Variants in FRAS1 observed in about 807,000 individuals in gnomAD.
FRAS1 encodes the protein extracellular matrix organizing protein FRAS1.
A neutral mutation model predicts 435.2 loss-of-function variants in FRAS1; 290 were observed. The observed-to-expected ratio is 0.67, with a 90% CI of 0.61 to 0.73. The LOEUF is 0.73. Among genes scored for constraint, FRAS1 ranks in the 30% least tolerant of loss-of-function variants. The probability of loss-of-function intolerance (pLI) is 0.00; values close to 1 mark genes in which losing one functional copy is unlikely to be tolerated. For missense variants in FRAS1, 4,860 were observed against 5,001.5 expected (o/e 0.97, Z 0.85); for synonymous variants, 1,800 against 1,851.0 (o/e 0.97, Z 0.71).
intron 64 of FRAS1, 78 bp downstream of exon 64, chr4:78,511,584 C>A (rs776890445): frequency 5.4e-5 from 56 of 1,036,964 alleles, no homozygotes; most frequent in Non-Finnish European, 6.8e-5. Flanking sequence ...CCAGGACAAT[C>A]AATAAGGGAT....
At chr4:78,446,649 G>T in intron 42 of FRAS1, 78 bp from the exon 43 acceptor site, 1 of 1,516,322 alleles carries the variant, frequency 6.6e-7, no homozygotes. Flanking sequence ...CTGTAGCAAT[G>T]ATACTGTCTC....
rs146722737 is a variant in FRAS1 at position 78,490,613 on chromosome 4, C to T, written c.8958+1533C>T. On this transcript the variant is annotated intron_variant, in intron 59 of 73. Coordinates refer to ENST00000512123, the MANE Select transcript of FRAS1 (RefSeq NM_025074.7). ...ATAAGTTCTTTGAAACCAATGAGAA[C>T]AAACACAACATACCAGAATCCCTGG... Among the ~76,000 whole-genome samples the T allele has an allele frequency of 1.2e-3, 184 of 152,162 alleles. 1 individual carries two copies. Among genetic ancestry groups the T allele is most frequent in the African/African-American group, 4.0e-3 (168 of 41,530 alleles).
At chr4:78,103,151 A>G (rs970722217) in intron 2 of FRAS1, among the ~76,000 whole-genome samples, 3 of 152,226 alleles carry the variant, frequency 2.0e-5, no homozygotes, top group African/African-American at 7.2e-5. Flanking sequence ...AACACCATGA[A>G]AGGACTGGTA....
intron 32 of FRAS1, among the ~76,000 whole-genome samples, chr4:78,413,549 C>T (rs896796586): frequency 3.4e-4 from 52 of 152,104 alleles, no homozygotes; most frequent in Admixed American, 3.3e-3. Flanking sequence ...AGATAAATAG[C>T]AGTTATCCAA....
chr4:78,403,622 C>A (rs1162389046), intron 30 of FRAS1, among the ~76,000 whole-genome samples: 3 of 152,138 alleles, frequency 2.0e-5, no homozygotes, highest in African/African-American at 7.2e-5. Context: ...TGAAACAGAA[C>A]CAAATGTAAA....
At chr4:78,539,235 C>T (rs1438989143) in intron 72 of FRAS1, 59 bp from the exon 73 acceptor site, 1 of 1,549,758 alleles carries the variant, frequency 6.5e-7, no homozygotes, top group Admixed American at 1.9e-5. Flanking sequence ...TCACTGCCAC[C>T]TACCAATATA....
intron 2 of FRAS1, among the ~76,000 whole-genome samples, chr4:78,169,956 T>G (rs1721482845): frequency 6.6e-6 from 1 of 152,168 alleles, no homozygotes; most frequent in Non-Finnish European, 1.5e-5. Flanking sequence ...GGGGATGAGA[T>G]AGTAATATTG....
At chr4:78,083,209 T>C (rs1740975581) in intron 2 of FRAS1, among the ~76,000 whole-genome samples, 1 of 152,132 alleles carries the variant, frequency 6.6e-6, no homozygotes, top group Admixed American at 6.6e-5. Flanking sequence ...GCTGCTGGTT[T>C]AGGGCCAGTT....
At chr4:78,331,804 A>T (rs1273015346) in intron 18 of FRAS1, among the ~76,000 whole-genome samples, 2 of 152,212 alleles carry the variant, frequency 1.3e-5, no homozygotes, top group Non-Finnish European at 2.9e-5. Flanking sequence ...CTCAATGACA[A>T]ATGAATGATT....
At chr4:78,184,433 A>G (rs547088972) in intron 2 of FRAS1, among the ~76,000 whole-genome samples, 1 of 152,330 alleles carries the variant, frequency 6.6e-6, no homozygotes, top group African/African-American at 2.4e-5. Context: ...TCCCCTAACT[A>G]TTTAAACTTG....
chr4:78,317,724 A>AT (rs899325131), intron 17 of FRAS1, among the ~76,000 whole-genome samples: 12 of 151,690 alleles, frequency 7.9e-5, no homozygotes, highest in Admixed American at 1.3e-4. Flanking sequence ...AAGTGTTATG[A>AT]TTTTTTTTTC....
intron 27 of FRAS1, among the ~76,000 whole-genome samples, chr4:78,383,416 A>G (rs961305848): frequency 6.6e-6 from 1 of 152,124 alleles, no homozygotes; most frequent in African/African-American, 2.4e-5. Flanking sequence ...TATTACACTC[A>G]GGCTTGTTCT....
rs758714256 is a variant in FRAS1, at chr4:78,267,431, G to A, written c.980G>A (p.Arg327Gln). ...GAGTGTGCCAAAGTGGAGTGTGCCCGGGTAAGAAGCAGGGGCATTTCCATT... is the reference window on the plus strand; with the variant it reads ...GAGTGTGCCAAAGTGGAGTGTGCCCAGGTAAGAAGCAGGGGCATTTCCATT... ...TGECAKVECA[R>Q]DEELIHLDGK... The change falls in exon 9 of 74, where the codon CGG (arginine) becomes CAG (glutamine). Residue 327 changes from arginine to glutamine, a missense_variant and splice_region_variant. By Grantham distance (43) the Arg-to-Gln change is conservative (BLOSUM62 1). Transcript: ENST00000512123. The A allele has an allele frequency of 1.9e-5, 31 of 1,612,858 alleles. No homozygotes were observed. The highest frequency in any genetic ancestry group is 1.1e-4 in the East Asian group (5 of 44,860).
chr4:78,180,510 A>G (rs1211313908), intron 2 of FRAS1, among the ~76,000 whole-genome samples: 1 of 152,180 alleles, frequency 6.6e-6, no homozygotes, highest in Non-Finnish European at 1.5e-5. Flanking sequence ...AAAAAACACA[A>G]ATGAAGTGAA....
rs187932671 is a variant in FRAS1, at chr4:78,103,882, C to T, written c.108+37866C>T. The stretch of plus-strand genomic sequence containing the variant: ...TTGTTATAGCGGCCTAAATGGACTA[C>T]GACACAGTTCTTTATCTTAGCTTTG... On this transcript the variant is annotated intron_variant, in intron 2 of 73. Transcript: ENST00000512123. Among the ~76,000 whole-genome samples, 210 of 152,284 alleles carry T rather than the reference C, an allele frequency of 1.4e-3. 2 individuals carry two copies. The highest frequency in any genetic ancestry group is 8.9e-4 in the African/African-American group (37 of 41,540).
chr4:78,137,623 G>A (rs530688565), intron 2 of FRAS1, among the ~76,000 whole-genome samples: 1 of 152,232 alleles, frequency 6.6e-6, no homozygotes, highest in African/African-American at 2.4e-5. Context: ...CCCCAAAGGG[G>A]CCCCACATCT....
intron 70 of FRAS1, among the ~76,000 whole-genome samples, chr4:78,528,336 A>T (rs1289845144): frequency 6.6e-6 from 1 of 152,182 alleles, no homozygotes; most frequent in Non-Finnish European, 1.5e-5. Context: ...GTGAAACATC[A>T]CCACAGTCAA....
At chr4:78,172,526 G>A (rs1721602220) in intron 2 of FRAS1, among the ~76,000 whole-genome samples, 1 of 152,016 alleles carries the variant, frequency 6.6e-6, no homozygotes, top group Non-Finnish European at 1.5e-5. Flanking sequence ...TTTGTTTTTA[G>A]TTAGTTTCTA....
intron 7 of FRAS1, 84 bp downstream of exon 7, chr4:78,265,192 A>G: frequency 1.3e-6 from 1 of 781,500 alleles, no homozygotes; most frequent in East Asian, 2.6e-5. Flanking sequence ...ACCATAAGTC[A>G]CCACCCTCAT....
Sources: allele counts gnomAD v4.1 joint callset (sites outside exome capture counted in the v4.1 genomes callset), GRCh38; gene constraint gnomAD v4.1.1; transcripts MANE v1.5; gene names NCBI Gene and HGNC (gene_info 2026-07-23, HGNC 2026-07-21).